The following ERBB4 variants were observed in gnomAD, a reference collection of about 807,000 sequenced individuals.
ERBB4 encodes receptor tyrosine-protein kinase erbB-4.
ERBB4 carries 42 observed loss-of-function variants against 158.0 expected under a neutral mutation model. The ratio of observed to expected loss-of-function variants is 0.27; its 90% CI spans 0.21 to 0.34. The LOEUF is 0.34. Ranked by LOEUF, ERBB4 falls within the 10% of genes least tolerant of loss-of-function variation. ERBB4 has a pLI of 1.00. For missense variants in ERBB4, 1,333 were observed against 1,624.1 expected (o/e 0.82, Z 3.08); for synonymous variants, 583 against 558.7 (o/e 1.04, Z -0.61).
intron 3 of ERBB4, among the ~76,000 whole-genome samples, chr2:211,866,874 A>T (rs1326173298): frequency 6.6e-6 from 1 of 151,958 alleles, no homozygotes; most frequent in East Asian, 1.9e-4. Flanking sequence ...AAATAAAAGG[A>T]ACAAACACAT....
intron 1 of ERBB4, among the ~76,000 whole-genome samples, chr2:212,360,158 G>A (rs954728068): frequency 2.0e-5 from 3 of 151,736 alleles, no homozygotes; most frequent in South Asian, 2.1e-4. Context: ...CAAAATGAAG[G>A]CATCCACAAT....
intron 2 of ERBB4, among the ~76,000 whole-genome samples, chr2:212,066,525 T>C (rs2077952791): frequency 6.6e-6 from 1 of 152,004 alleles, no homozygotes; most frequent in Non-Finnish European, 1.5e-5. Context: ...TGGAGTTATA[T>C]TTATATGAAT....
chr2:212,491,056 T>C (rs1169815017), intron 1 of ERBB4, among the ~76,000 whole-genome samples: 3 of 151,650 alleles, frequency 2.0e-5, no homozygotes, highest in Non-Finnish European at 4.4e-5. Flanking sequence ...AGTAAGATAA[T>C]CAACTATTAA....
At chr2:211,700,321 G>A (rs1206854968) in intron 12 of ERBB4, among the ~76,000 whole-genome samples, 1 of 152,006 alleles carries the variant, frequency 6.6e-6, no homozygotes, top group Non-Finnish European at 1.5e-5. Context: ...TAAAACCAAG[G>A]AAATAACACA....
At chr2:211,973,753 A>G (rs2081525860) in intron 2 of ERBB4, among the ~76,000 whole-genome samples, 1 of 152,218 alleles carries the variant, frequency 6.6e-6, no homozygotes, top group East Asian at 1.9e-4. Flanking sequence ...AGGAATATAA[A>G]TCATTCTACT....
intron 2 of ERBB4, among the ~76,000 whole-genome samples, chr2:212,028,908 C>T (rs1013429490): frequency 3.3e-5 from 5 of 152,006 alleles, no homozygotes; most frequent in African/African-American, 4.8e-5. Flanking sequence ...AAGTAGGAGG[C>T]AGGATGTAAC....
chr2:212,341,740 A>C (rs970294679), intron 1 of ERBB4, among the ~76,000 whole-genome samples: 1 of 152,182 alleles, frequency 6.6e-6, no homozygotes, highest in African/African-American at 2.4e-5. Context: ...AAACAGAGAA[A>C]TCAAACTGGT....
chr2:211,808,584 T>C (rs1190662419), intron 3 of ERBB4, among the ~76,000 whole-genome samples: 2 of 152,228 alleles, frequency 1.3e-5, no homozygotes, highest in Non-Finnish European at 2.9e-5. Flanking sequence ...TTTGTTCTTT[T>C]TGCTTAGGAT....
At chr2:211,562,894 C>T (rs576769081) in intron 19 of ERBB4, among the ~76,000 whole-genome samples, 84 of 150,636 alleles carry the variant, frequency 5.6e-4, no homozygotes, top group Non-Finnish European at 6.2e-4. Context: ...GCCTCAGCCT[C>T]CCAAGTAGCT....
intron 3 of ERBB4, among the ~76,000 whole-genome samples, chr2:211,927,903 A>G (rs1472663039): frequency 6.6e-6 from 1 of 152,146 alleles, no homozygotes; most frequent in African/African-American, 2.4e-5. Context: ...ATACTTTTCT[A>G]TAATTTCCTC....
At chr2:211,651,060 C>G (rs1239179901) in intron 16 of ERBB4, among the ~76,000 whole-genome samples, 3 of 152,078 alleles carry the variant, frequency 2.0e-5, no homozygotes, top group Non-Finnish European at 4.4e-5. Context: ...CCAGGGAGTA[C>G]TTTAATCAGG....
At chr2:211,881,967 A>T (rs902024335) in intron 3 of ERBB4, among the ~76,000 whole-genome samples, 17 of 152,202 alleles carry the variant, frequency 1.1e-4, no homozygotes, top group Non-Finnish European at 1.5e-5. Context: ...CCAAAGAAAG[A>T]TAACATCGGC....
At chr2:212,530,865 G>C (rs1241635572) in intron 1 of ERBB4, among the ~76,000 whole-genome samples, 1 of 152,080 alleles carries the variant, frequency 6.6e-6, no homozygotes, top group Admixed American at 6.6e-5. Flanking sequence ...GAAAATAAAA[G>C]AGTGTTTATT....
At chr2:212,443,574 G>A (rs186168560) in intron 1 of ERBB4, among the ~76,000 whole-genome samples, 51 of 152,284 alleles carry the variant, frequency 3.3e-4, no homozygotes, top group Middle Eastern at 3.4e-3. Flanking sequence ...GTGTTACTCC[G>A]GCCAATTTAT....
intron 2 of ERBB4, among the ~76,000 whole-genome samples, chr2:212,006,877 T>G (rs1468700041): frequency 6.6e-6 from 1 of 152,066 alleles, no homozygotes. Context: ...GGACATCCCT[T>G]TACATTTTAA....
chr2:212,517,546 A>T (rs929452655), intron 1 of ERBB4, among the ~76,000 whole-genome samples: 2 of 152,088 alleles, frequency 1.3e-5, no homozygotes, highest in African/African-American at 4.8e-5. Flanking sequence ...TCAATGTAGT[A>T]AAAATAGTCA....
At chr2:211,790,016 A>G (rs1453249138) in intron 3 of ERBB4, among the ~76,000 whole-genome samples, 1 of 152,214 alleles carries the variant, frequency 6.6e-6, no homozygotes, top group East Asian at 1.9e-4. Flanking sequence ...AAATTAGATC[A>G]TCTTTCTACT....
rs537960314 is a variant in ERBB4, at chr2:211,688,624, C to T, written c.1490-9440G>A. On this transcript the variant is annotated intron_variant, in intron 12 of 27. Coordinates refer to ENST00000342788, the MANE Select transcript of ERBB4 (RefSeq NM_005235.3). Reference sequence around the variant, plus strand: ...TTATTTCATCTTTGTCAGAAGTGAACATCTTATATTTACTTTTAACAATGC... The same window carrying T: ...TTATTTCATCTTTGTCAGAAGTGAATATCTTATATTTACTTTTAACAATGC... Among the ~76,000 whole-genome samples, 3 of 152,226 alleles carry T rather than the reference C, an allele frequency of 2.0e-5. No homozygotes were observed. The East Asian group carries it at 5.8e-4, about 29-fold the overall frequency.
chr2:211,896,640 A>G (rs2079105297), intron 3 of ERBB4, among the ~76,000 whole-genome samples: 1 of 152,172 alleles, frequency 6.6e-6, no homozygotes, highest in African/African-American at 2.4e-5. Context: ...TATCATAACA[A>G]TATGCAAAAT....
Sources: gnomAD v4.1 joint callset for allele counts (sites outside exome capture counted in the v4.1 genomes callset) on GRCh38, gnomAD v4.1.1 for gene constraint, MANE v1.5 for transcripts, NCBI Gene and HGNC (gene_info 2026-07-23, HGNC 2026-07-21) for gene names.